The following CAST variants were observed in gnomAD, a reference collection of about 807,000 sequenced individuals.
CAST encodes MIR583 host.
In CAST, 76 loss-of-function variants were observed where a neutral mutation model predicts 119.6. The ratio of observed to expected loss-of-function variants is 0.64; its 90% CI spans 0.53 to 0.77. CAST has a LOEUF of 0.77. CAST is among the 30% of genes least tolerant of loss of function. The pLI is 0.00. For synonymous variants in CAST, 319 were observed against 331.6 expected (o/e 0.96, Z 0.41); for missense variants, 953 against 946.5 (o/e 1.01, Z -0.09).
At chr5:96,535,196 C>T (rs1580814131) in intron 1 of CAST, among the ~76,000 whole-genome samples, 1 of 152,142 alleles carries the variant, frequency 6.6e-6, no homozygotes, top group Non-Finnish European at 1.5e-5. Context: ...AATTTCCCCA[C>T]CTTAGCAAAA....
At chr5:96,275,834 G>C in the CAST span, among the ~76,000 whole-genome samples, 1 of 152,212 alleles carries the variant, frequency 6.6e-6, no homozygotes, top group African/African-American at 2.4e-5. Context: ...AGAGAGGATA[G>C]AGCCTCCGCC....
chr5:96,283,078 C>T, the CAST span, among the ~76,000 whole-genome samples: 2 of 145,068 alleles, frequency 1.4e-5, no homozygotes, highest in African/African-American at 2.6e-5. Context: ...TGCAGTGAGC[C>T]GAGATTGCGC....
intron 1 of CAST, among the ~76,000 whole-genome samples, chr5:96,616,622 G>T (rs1358907477): frequency 6.6e-6 from 1 of 151,986 alleles, no homozygotes; most frequent in Non-Finnish European, 1.5e-5. Context: ...AGCAGGTCAG[G>T]GTACTTCTCC....
intron 1 of CAST, among the ~76,000 whole-genome samples, chr5:96,567,369 A>G (rs1746486351): frequency 6.6e-6 from 1 of 151,958 alleles, no homozygotes; most frequent in Non-Finnish European, 1.5e-5. Flanking sequence ...CATATTTCCT[A>G]TGCCTCCCCA....
At chr5:96,425,820 C>G in the CAST span, 2 of 1,513,530 alleles carry the variant, frequency 1.3e-6, no homozygotes, top group Non-Finnish European at 1.8e-6. Flanking sequence ...AGGTACTTAC[C>G]AAGTACCATT....
At chr5:96,448,818 G>A in the CAST span, among the ~76,000 whole-genome samples, 1 of 152,058 alleles carries the variant, frequency 6.6e-6, no homozygotes, top group Admixed American at 6.5e-5. Flanking sequence ...TCTATTTGCT[G>A]CCTAACTGGA....
At chr5:96,426,460 C>A in the CAST span, among the ~76,000 whole-genome samples, 2 of 152,134 alleles carry the variant, frequency 1.3e-5, no homozygotes, top group African/African-American at 2.4e-5. Flanking sequence ...TGTGCTTCGA[C>A]CTCTGCTTAA....
the CAST span, among the ~76,000 whole-genome samples, chr5:96,486,476 A>G: frequency 6.6e-6 from 1 of 152,158 alleles, no homozygotes; most frequent in African/African-American, 2.4e-5. Flanking sequence ...TACCTTAATG[A>G]GCAGAAACAA....
the CAST span, among the ~76,000 whole-genome samples, chr5:96,063,323 T>A: frequency 2.0e-5 from 3 of 152,104 alleles, no homozygotes; most frequent in African/African-American, 7.2e-5. Flanking sequence ...CTGGTCAATG[T>A]GGAGTTATAA....
At chr5:96,491,380 A>G in the CAST span, among the ~76,000 whole-genome samples, 7 of 149,290 alleles carry the variant, frequency 4.7e-5, no homozygotes, top group Non-Finnish European at 7.4e-5. Flanking sequence ...AGTCCCAGCT[A>G]CTCGGGAGGC....
chr5:96,315,754 C>A, the CAST span, among the ~76,000 whole-genome samples: 2 of 152,162 alleles, frequency 1.3e-5, no homozygotes, highest in Admixed American at 1.3e-4. Flanking sequence ...TGAGCCCAGG[C>A]CCTAAATATC....
At chr5:96,665,743 T>TACAC (rs745907302) in intron 1 of CAST, among the ~76,000 whole-genome samples, 1 of 130,076 alleles carries the variant, frequency 7.7e-6, no homozygotes, top group South Asian at 2.2e-4. Flanking sequence ...CACACACACA[T>TACAC]ACACACACAC....
At chr5:96,502,639 T>C in the CAST span, among the ~76,000 whole-genome samples, 7 of 151,266 alleles carry the variant, frequency 4.6e-5, no homozygotes, top group African/African-American at 1.7e-4. Context: ...TTTCTTTCTT[T>C]CTTTCTTTCT....
At chr5:96,028,363 C>A in the CAST span, among the ~76,000 whole-genome samples, 2 of 151,656 alleles carry the variant, frequency 1.3e-5, no homozygotes, top group Non-Finnish European at 2.9e-5. Flanking sequence ...GAATAATATT[C>A]TTTAAAGAAT....
chr5:96,086,196 G>T, the CAST span, among the ~76,000 whole-genome samples: 3 of 151,704 alleles, frequency 2.0e-5, no homozygotes, highest in Non-Finnish European at 4.4e-5. Flanking sequence ...TGTATTATTG[G>T]TTTTTATTTT....
rs1763996863 is a variant in CAST, at chr5:96,747,406, T to G, written c.1332+14T>G. On this transcript the variant is annotated intron_variant, in intron 18 of 31. Coordinates refer to ENST00000675179, the MANE Select transcript of CAST (RefSeq NM_001750.7). ...GAAAAACCCAAGGTTAGGAAATACA[T>G]TTTTTTCTGATACTTAAAGAACAAT... 1 of 1,526,794 alleles carries G rather than the reference T, an allele frequency of 6.5e-7. No homozygotes were observed. The highest frequency in any genetic ancestry group is 1.1e-5 in the South Asian group (1 of 88,694). 94.6% of individuals were successfully genotyped at this position (1,526,794 alleles called of 1,614,324 possible). A position where few individuals can be genotyped will look rare whatever the true frequency, so the allele number is the denominator to read the frequency against.
At chr5:95,988,883 CTT>C in the CAST span, among the ~76,000 whole-genome samples, 18 of 152,296 alleles carry the variant, frequency 1.2e-4, 1 homozygote, top group East Asian at 2.9e-3. Context: ...TGATATGACA[CTT>C]TTAACTTCAG....
At chr5:96,189,290 G>T in the CAST span, among the ~76,000 whole-genome samples, 4 of 152,150 alleles carry the variant, frequency 2.6e-5, no homozygotes, top group Non-Finnish European at 5.9e-5. Context: ...AGGGCTAGGT[G>T]GATAATGGTC....
the CAST span, among the ~76,000 whole-genome samples, chr5:96,021,725 T>TGTGA: frequency 6.6e-6 from 1 of 152,146 alleles, no homozygotes; most frequent in Non-Finnish European, 1.5e-5. Flanking sequence ...GGATTACAGG[T>TGTGA]GTGAGCCACT....
Sources: gnomAD v4.1 joint callset for allele counts (sites outside exome capture counted in the v4.1 genomes callset) on GRCh38, gnomAD v4.1.1 for gene constraint, MANE v1.5 for transcripts, NCBI Gene and HGNC (gene_info 2026-07-23, HGNC 2026-07-21) for gene names.